The following SLC19A1 variants were observed in gnomAD, a reference collection of about 807,000 sequenced individuals.
SLC19A1 encodes reduced folate transporter.
A neutral mutation model predicts 35.3 loss-of-function variants in SLC19A1; 37 were observed. The observed-to-expected ratio is 1.05, with a 90% CI of 0.81 to 1.38. SLC19A1 has a LOEUF of 1.38. Among genes scored for constraint, SLC19A1 ranks in the 40% most tolerant of loss-of-function variants. The pLI is 0.00. For missense variants in SLC19A1, 831 were observed against 826.9 expected (o/e 1.00, Z -0.06); for synonymous variants, 460 against 398.5 (o/e 1.15, Z -1.84).
At chr21:45,546,169 C>T (rs2078413727), upstream of SLC19A1, among the ~76,000 whole-genome samples, 8 of 152,266 alleles carry the variant, frequency 5.3e-5, no homozygotes. Flanking sequence ...CTCTCAGAGG[C>T]TGAGCCGGGC....
Position 45,534,380 on chromosome 21 carries a change from G to A in SLC19A1, c.190-2232C>T, listed in dbSNP as rs2078036851. ...AGGGACCCCCGACCCCCAGACACAG[G>A]AGGCTGCGTGGGGGCATGACAGCCC... is the stretch of plus-strand genomic sequence containing the variant. On this transcript the variant is annotated intron_variant, in intron 2 of 5. Coordinates refer to ENST00000311124, the MANE Select transcript of SLC19A1 (RefSeq NM_194255.4). The surrounding 1 kb of genome is among the most constrained non-coding windows in gnomAD (Gnocchi z 4.2). Among the ~76,000 whole-genome samples, 1 of 152,180 alleles carries A rather than the reference G, an allele frequency of 6.6e-6. No individual in the cohort carries two copies. The highest frequency in any genetic ancestry group is 2.4e-5 in the African/African-American group (1 of 41,448).
chr21:45,545,702 G>A (rs570968528), upstream of SLC19A1, among the ~76,000 whole-genome samples: 3 of 152,176 alleles, frequency 2.0e-5, no homozygotes, highest in African/African-American at 2.4e-5. Flanking sequence ...GCATGCTCCC[G>A]TGCAGACGGC....
rs1166000818 is a variant in SLC19A1 at position 45,540,386 on chromosome 21, C to A, written c.-50+1982G>T. On this transcript the variant is annotated intron_variant, in intron 1 of 5. Transcript: ENST00000311124. The surrounding 1 kb of genome is among the most constrained non-coding windows in gnomAD (Gnocchi z 5.5). ...TCCATGGCCGCAGGAGTCAGATCCC[C>A]ACCCACAGGACCCCCAGGGGCCCGG... Among the ~76,000 whole-genome samples, 1 of 152,170 alleles carries A rather than the reference C, an allele frequency of 6.6e-6. No individual in the cohort carries two copies. The highest frequency in any genetic ancestry group is 1.5e-5 in the Non-Finnish European group (1 of 68,032).
intron 4 of SLC19A1, among the ~76,000 whole-genome samples, chr21:45,527,118 A>G (rs1372705155): frequency 6.6e-6 from 1 of 152,230 alleles, no homozygotes. Context: ...GAGTCGGTGA[A>G]TGAGCAGCAG....
At chr21:45,520,353 GAAAT>G (rs1187477628) in intron 5 of SLC19A1, among the ~76,000 whole-genome samples, 1 of 151,934 alleles carries the variant, frequency 6.6e-6, no homozygotes, top group African/African-American at 2.4e-5. Context: ...TCAAGAAAAA[GAAAT>G]AAAAGATATA....
chr21:45,526,954 G>T (rs1207026847), intron 4 of SLC19A1, among the ~76,000 whole-genome samples: 1 of 152,256 alleles, frequency 6.6e-6, no homozygotes, highest in Non-Finnish European at 1.5e-5. Context: ...ACCTGGAAGG[G>T]CTCCCATGAG....
chr21:45,518,874 A>C (rs2077353666), intron 5 of SLC19A1, among the ~76,000 whole-genome samples: 1 of 152,230 alleles, frequency 6.6e-6, no homozygotes. Context: ...ACAAACAAAA[A>C]ACAAGTTCTC....
rs1489476751 is a variant in SLC19A1 at position 45,515,623 on chromosome 21, G to A, written c.*35C>T. The A allele has an allele frequency of 1.9e-6, 3 of 1,611,428 alleles. No individual in the cohort carries two copies. The highest frequency in any genetic ancestry group is 2.5e-6 in the Non-Finnish European group (3 of 1,179,886). On this transcript the variant is annotated 3_prime_UTR_variant, in exon 6 of 6. Transcript: ENST00000311124. The stretch of plus-strand genomic sequence containing the variant: ...CAGGGGTCGTGGGGATGCACTGAGG[G>A]CCGCCTGCAAAGTTACCACAGGGGC...
chr21:45,528,951 C>T (rs1275015982), intron 4 of SLC19A1, among the ~76,000 whole-genome samples: 4 of 152,260 alleles, frequency 2.6e-5, no homozygotes, highest in Admixed American at 2.6e-4. Flanking sequence ...GCATCAATGA[C>T]TTTATAACTA....
At chr21:45,521,631 T>C (rs1283613007) in intron 5 of SLC19A1, among the ~76,000 whole-genome samples, 4 of 152,230 alleles carry the variant, frequency 2.6e-5, no homozygotes, top group Admixed American at 6.5e-5. Context: ...TAAAGCTTCA[T>C]AACCAAGACA....
chr21:45,505,228 G>GCCCCCCAGGC lies in SLC19A1; in HGVS notation c.498-6626_498-6617dup, dbSNP rs2037122005. 3.8e-6 allele frequency: 6 copies of GCCCCCCAGGC among 1,593,578 alleles called. No homozygotes were observed. The highest frequency in any genetic ancestry group is 5.1e-6 in the Non-Finnish European group (6 of 1,167,404). ...TACGAGGGGCGCCAGGGCCCTCCCG[G>GCCCCCCAGGC]CCCCCCAGGCCCCCCAGGGCCCCCT... On this transcript the variant is annotated intron_variant, in intron 3 of 4. Coordinates refer to the SLC19A1 transcript ENST00000417954.
chr21:45,560,227 C>T (rs2078602101), intron 1 of SLC19A1, among the ~76,000 whole-genome samples: 2 of 152,224 alleles, frequency 1.3e-5, no homozygotes, highest in South Asian at 4.1e-4. Flanking sequence ...CCCCCAAGGA[C>T]TCCTCCCACA....
chr21:45,509,058 G>A (rs1306080968), downstream of SLC19A1, among the ~76,000 whole-genome samples: 1 of 152,148 alleles, frequency 6.6e-6, no homozygotes, highest in East Asian at 1.9e-4. Flanking sequence ...CTGAATTGGA[G>A]CCGCGGCAAA....
chr21:45,552,132 T>A lies in SLC19A1; in HGVS notation c.-50+10610A>T, dbSNP rs538140441. On this transcript the variant is annotated intron_variant, in intron 1 of 5. Coordinates refer to the SLC19A1 transcript ENST00000650808. The stretch of plus-strand genomic sequence containing the variant: ...ATGGGGCTGGCTGTGTGGTGGGGAC[T>A]GACGGCCTCCTCAGGAGGAGACAGT... 2.6e-5 allele frequency among the ~76,000 whole-genome samples: 4 copies of A among 152,314 alleles called. No individual in the cohort carries two copies. In the East Asian group the frequency reaches 7.7e-4, roughly 29 times the overall value.
chr21:45,516,774 T>C (rs1189949420), intron 5 of SLC19A1, among the ~76,000 whole-genome samples: 2 of 151,932 alleles, frequency 1.3e-5, no homozygotes, highest in Non-Finnish European at 2.9e-5. Flanking sequence ...GTGCAGAGGG[T>C]TCAGGAGGCT....
intron 3 of SLC19A1, chr21:45,504,241 G>T: frequency 1.1e-6 from 1 of 887,476 alleles, no homozygotes; most frequent in South Asian, 1.5e-5. Context: ...GTTTTTGGGG[G>T]ACTCGGCTGA....
chr21:45,510,154 G>T, downstream of SLC19A1: 1 of 1,598,732 alleles, frequency 6.3e-7, no homozygotes, highest in Non-Finnish European at 8.5e-7. Context: ...GGCGCGGGCC[G>T]TGGGGCTGGC....
At chr21:45,532,768 T>C (rs945898680) in intron 2 of SLC19A1, among the ~76,000 whole-genome samples, 5 of 152,236 alleles carry the variant, frequency 3.3e-5, no homozygotes, top group Admixed American at 3.3e-4. Flanking sequence ...CAAAACATGG[T>C]TTTATTTCAT....
downstream of SLC19A1, chr21:45,510,977 C>CT: frequency 5.0e-4 from 6 of 11,988 alleles, 3 homozygotes; most frequent in Non-Finnish European, 5.7e-4. Context: ...CCCCAAACAC[C>CT]CCCCACACCC....
Sources: gnomAD v4.1 joint callset for allele counts (sites outside exome capture counted in the v4.1 genomes callset) on GRCh38, gnomAD v4.1.1 for gene constraint, Gnocchi (gnomAD v3.1) non-coding constraint, MANE v1.5 for transcripts, NCBI Gene and HGNC (gene_info 2026-07-23, HGNC 2026-07-21) for gene names.